LRRC4B: variants seen among roughly 807,000 people sequenced by gnomAD.
LRRC4B encodes leucine-rich repeat-containing protein 4B.
A neutral mutation model predicts 7.3 loss-of-function variants in LRRC4B; 1 was observed. The ratio of observed to expected loss-of-function variants is 0.14; its 90% confidence interval spans 0.05 to 0.65. The LOEUF (loss-of-function observed/expected upper bound fraction) is 0.65. Ranked by LOEUF, LRRC4B falls within the 30% of genes least tolerant of loss-of-function variation. The pLI is 0.84. For synonymous variants in LRRC4B, 500 were observed against 499.2 expected, an observed-to-expected ratio of 1.00 and a Z score of -0.02; for missense variants, 730 against 1,041.6, an observed-to-expected ratio of 0.70 and a Z score of 4.12.
At chr19:50,531,415 C>T (rs1026632195) in intron 2 of LRRC4B, among the ~76,000 whole-genome samples, 3 of 152,232 alleles carry the variant, frequency 2.0e-5, no homozygotes, top group Middle Eastern at 3.4e-3. Flanking sequence ...GGCTGCTCGG[C>T]GCTCAGCACG....
intron 1 of LRRC4B, among the ~76,000 whole-genome samples, chr19:50,562,730 G>GTTTTTTTTTTTTTTTTTTTTTTT (rs778453544): frequency 7.3e-6 from 1 of 136,144 alleles, no homozygotes. Flanking sequence ...TCCATCCAGG[G>GTTTTTTTTTTTTTTTTTTTTTTT]TTTTTTTTTT....
chr19:50,547,678 C>T (rs1981872858), intron 2 of LRRC4B, among the ~76,000 whole-genome samples: 1 of 148,906 alleles, frequency 6.7e-6, no homozygotes, highest in Non-Finnish European at 1.5e-5. Context: ...TGCTGGTAAA[C>T]ATCCTACAGC....
At chr19:50,562,911 T>C (rs1201340583) in intron 1 of LRRC4B, among the ~76,000 whole-genome samples, 1 of 151,970 alleles carries the variant, frequency 6.6e-6, no homozygotes, top group Non-Finnish European at 1.5e-5. Flanking sequence ...TGGCTGATTT[T>C]GTATTTTTGG....
rs182176597 is a variant in LRRC4B, at chr19:50,519,744, G to T, written c.298-329C>A. On this transcript the variant is annotated intron_variant, in intron 2 of 2. Transcript: ENST00000652263. The surrounding 1 kb of genome is among the most constrained non-coding windows in gnomAD (Gnocchi z 8.1). ...ATACAAAAATTAGCCAGGTGTGGTG[G>T]TGCGTGTAATCCCAGCTACTCGGGA... 1.7e-3 allele frequency among the ~76,000 whole-genome samples: 256 copies of T among 152,170 alleles called. No homozygotes were observed. The highest frequency in any genetic ancestry group is 5.8e-3 in the African/African-American group (242 of 41,512).
In LRRC4B at chr19:50,519,148, G is replaced by C; in HGVS notation, c.565C>G (p.Leu189Val). ...NRVPSLRRLD[L>V]GELKRLEYIS... ...TATTCCAGCCGCTTGAGCTCGCCCA[G>C]GTCCAGGCGCCGCAGCGAGGGCACG... is the stretch of plus-strand genomic sequence containing the variant. The change falls in exon 3 of 3, where the codon CTG becomes GTG. Residue 189 changes from leucine (L) to valine (V), a missense_variant. This residue lies in a region of LRRC4B where 226 missense variants were observed against 448.0 expected (regional missense o/e 0.50). Transcript: ENST00000652263. The surrounding 1 kb of genome is among the most constrained non-coding windows in gnomAD (Gnocchi z 8.1). 6.2e-7 allele frequency: 1 copy of C among 1,613,296 alleles called. No individual in the cohort carries two copies. The highest frequency in any genetic ancestry group is 8.5e-7 in the Non-Finnish European group (1 of 1,179,984).
chr19:50,522,760 G>A (rs1022036487), intron 2 of LRRC4B, among the ~76,000 whole-genome samples: 1 of 152,202 alleles, frequency 6.6e-6, no homozygotes, highest in African/African-American at 2.4e-5. Context: ...TTACCGGCGT[G>A]AGCCACCTCA....
At chr19:50,539,675 T>C (rs1169846874) in intron 2 of LRRC4B, among the ~76,000 whole-genome samples, 4 of 151,858 alleles carry the variant, frequency 2.6e-5, no homozygotes, top group Non-Finnish European at 5.9e-5. Context: ...GATCACAAGG[T>C]CAGGAGTTCG....
intron 2 of LRRC4B, among the ~76,000 whole-genome samples, chr19:50,540,193 C>A (rs1222974338): frequency 6.6e-6 from 1 of 152,080 alleles, no homozygotes; most frequent in Non-Finnish European, 1.5e-5. Flanking sequence ...CACAGTGATT[C>A]ATTGAACCCA....
Position 50,544,462 on chromosome 19 carries a change from A to C in LRRC4B, c.297+4080T>G, listed in dbSNP as rs911867235. Among the ~76,000 whole-genome samples, 29 of 151,342 alleles carry C rather than the reference A, an allele frequency of 1.9e-4. 1 individual carries two copies. The highest frequency in any genetic ancestry group is 1.6e-3 in the Admixed American group (24 of 15,212). On this transcript the variant is annotated intron_variant, in intron 2 of 2. Transcript: ENST00000652263. The stretch of plus-strand genomic sequence containing the variant: ...GCGGAGCTTGCAGTGAGCCGAGATC[A>C]CGCCACTGCACTCCAGCCTGGGCGA...
rs971652132 is a variant in LRRC4B at position 50,517,914 on chromosome 19, C to T, written c.1799G>A (p.Arg600His). 3 of 1,580,118 alleles carry T rather than the reference C, an allele frequency of 1.9e-6. No individual in the cohort carries two copies. The highest frequency in any genetic ancestry group is 2.6e-6 in the Non-Finnish European group (3 of 1,168,370). The change falls in exon 3 of 3, where the codon CGC becomes CAC. Residue 600 changes from arginine (R) to histidine (H), a missense_variant. Transcript: ENST00000652263. The surrounding 1 kb of genome is among the most constrained non-coding windows in gnomAD (Gnocchi z 6.6). ...GTGCTTGTGGAGCTGGTGCTGCTTG[C>T]GCAGCTTGTAGAAGGCCACGAGCAT... The part of the protein sequence containing the change: ...AVMLVAFYKL[R>H]KQHQLHKHHG...
chr19:50,522,325 T>C (rs181737902), intron 2 of LRRC4B, among the ~76,000 whole-genome samples: 11 of 152,294 alleles, frequency 7.2e-5, no homozygotes, highest in Non-Finnish European at 8.8e-5. Flanking sequence ...AGATGGGCAC[T>C]ATTACCAGTC....
chr19:50,541,162 C>T lies in LRRC4B; in HGVS notation c.297+7380G>A, dbSNP rs372141785. Among the ~76,000 whole-genome samples the T allele has an allele frequency of 2.6e-4, 35 of 136,026 alleles. 1 individual carries two copies. In the East Asian group the frequency reaches 3.4e-3, roughly 13 times the overall value. The allele number at this position is 136,026 out of a possible 152,430, so 89.2% of individuals were successfully genotyped here. Reference sequence around the variant, plus strand: ...TGGCGCTACTGCACTCCAGCCTGGGCGAAAATGAGAGGCTCTGTCTCAAAA... The same window carrying T: ...TGGCGCTACTGCACTCCAGCCTGGGTGAAAATGAGAGGCTCTGTCTCAAAA... On this transcript the variant is annotated intron_variant, in intron 2 of 2. Coordinates refer to ENST00000652263, the MANE Select transcript of LRRC4B (RefSeq NM_001080457.2).
In LRRC4B at chr19:50,518,459, G is replaced by A. The variant is rs886178548; in HGVS notation, c.1254C>T (p.Asp418=). The change falls in exon 3 of 3, where the codon GAC becomes GAT. Residue 418 remains aspartate, a synonymous_variant. Coordinates refer to ENST00000652263, the MANE Select transcript of LRRC4B (RefSeq NM_001080457.2). Reference sequence around the variant, plus strand: ...TGACGTTGGTGAAGTTAAGCGTGCCGTCATGCAGGACGGAGATGCGCACGC... The same window carrying A: ...TGACGTTGGTGAAGTTAAGCGTGCCATCATGCAGGACGGAGATGCGCACGC... ...SYRVRISVLH[D]GTLNFTNVTV... 2.6e-6 allele frequency: 4 copies of A among 1,552,528 alleles called. No individual in the cohort carries two copies. Among genetic ancestry groups the A allele is most frequent in the South Asian group, 1.2e-5 (1 of 80,934 alleles).
chr19:50,532,279 T>A (rs959615757), intron 2 of LRRC4B, among the ~76,000 whole-genome samples: 2 of 152,030 alleles, frequency 1.3e-5, no homozygotes, highest in African/African-American at 4.8e-5. Context: ...AAAACACTGG[T>A]CCTGTCTCTG....
intron 2 of LRRC4B, among the ~76,000 whole-genome samples, chr19:50,541,146 T>C (rs1472534929): frequency 2.0e-5 from 3 of 150,258 alleles, no homozygotes; most frequent in Admixed American, 6.7e-5. Context: ...ATGGCGCTAC[T>C]GCACTCCAGC....
intron 1 of LRRC4B, among the ~76,000 whole-genome samples, chr19:50,551,892 T>C (rs1233821005): frequency 6.7e-6 from 1 of 148,964 alleles, no homozygotes; most frequent in Admixed American, 6.7e-5. Flanking sequence ...TTTCTCTCCT[T>C]CTGAACGGGG....
At chr19:50,565,526 C>CGTGTGTGTGTGTGTGTGT (rs67157266) in intron 1 of LRRC4B, among the ~76,000 whole-genome samples, 7 of 147,324 alleles carry the variant, frequency 4.8e-5, no homozygotes, top group African/African-American at 1.5e-4. Context: ...TGTGTGCTCT[C>CGTGTGTGTGTGTGTGTGT]GTGTGTGTGT....
intron 2 of LRRC4B, among the ~76,000 whole-genome samples, chr19:50,542,385 C>G (rs1981588863): frequency 6.6e-6 from 1 of 151,958 alleles, no homozygotes; most frequent in Admixed American, 6.6e-5. Flanking sequence ...CCTTAAAAGG[C>G]ATTTCCTGAG....
intron 2 of LRRC4B, among the ~76,000 whole-genome samples, chr19:50,527,355 T>C (rs1264252600): frequency 3.3e-5 from 5 of 149,836 alleles, no homozygotes; most frequent in Admixed American, 1.3e-4. Context: ...TTTCTTTTTT[T>C]TTTTTTTTTT....
Sources: allele counts gnomAD v4.1 joint callset (sites outside exome capture counted in the v4.1 genomes callset), GRCh38; gene constraint gnomAD v4.1.1; regional missense constraint gnomAD v4.1.1; non-coding constraint Gnocchi (gnomAD v3.1); transcripts MANE v1.5; gene names NCBI Gene and HGNC (gene_info 2026-07-23, HGNC 2026-07-21).